The following TSC22D1 variants were observed in gnomAD, a reference collection of about 807,000 sequenced individuals.
The protein encoded by TSC22D1 is TSC22 domain family member 1.
In TSC22D1, 9 loss-of-function variants were observed where a neutral mutation model predicts 74.2. The observed-to-expected ratio is 0.12, with a 90% CI of 0.07 to 0.21. TSC22D1 has a LOEUF of 0.21. Among genes scored for constraint, TSC22D1 ranks in the 10% least tolerant of loss-of-function variants. The pLI, the probability that TSC22D1 is intolerant of heterozygous loss-of-function variation, is 1.00. For synonymous variants in TSC22D1, 586 were observed against 492.5 expected, an observed-to-expected ratio of 1.19 and a Z score of -2.51; for missense variants, 1,427 against 1,304.7, an observed-to-expected ratio of 1.09 and a Z score of -1.44.
chr13:44,494,549 C>A (rs1878878813), intron 1 of TSC22D1, among the ~76,000 whole-genome samples: 1 of 151,402 alleles, frequency 6.6e-6, no homozygotes, highest in African/African-American at 2.4e-5. Context: ...CACAGCGAGA[C>A]CCCATCTCAA....
chr13:44,432,911 C>T lies in TSC22D1; in HGVS notation c.*1715G>A, dbSNP rs1315475208. ...GGGCCAATCTGCCTCAGGATTCCTT[C>T]GTGGTTTTAATTTTGGCCTGTTTTA... On this transcript the variant is annotated 3_prime_UTR_variant, in exon 3 of 3. Coordinates refer to ENST00000458659, the MANE Select transcript of TSC22D1 (RefSeq NM_183422.4). 1.3e-5 allele frequency: 2 copies of T among 152,208 alleles called. No homozygotes were observed. Among genetic ancestry groups the T allele is most frequent in the Admixed American group, 6.5e-5 (1 of 15,286 alleles). 9.4% of individuals were successfully genotyped at this position (152,208 alleles called of 1,614,324 possible).
At position 44,573,408 on chromosome 13, in the gene TSC22D1, C is replaced by T. The variant is rs765522055; in HGVS notation, c.2667G>A (p.Gln889=). 2.5e-6 allele frequency: 4 copies of T among 1,614,224 alleles called. No homozygotes were observed. The highest frequency in any genetic ancestry group is 3.4e-6 in the Non-Finnish European group (4 of 1,180,044). The change falls in exon 1 of 3, where the codon CAG becomes CAA. Residue 889 remains glutamine (Q), a synonymous_variant. Coordinates refer to ENST00000458659, the MANE Select transcript of TSC22D1 (RefSeq NM_183422.4). ...AGAACTGGGTAGAACTTAGTGGTAT[C>T]TGTTGTGCCAAAGGCAAATTTGTAT... ...ATNTNLPLAQ[Q]IPLSSTQFSA... is the part of the protein sequence containing the mutation.
At chr13:44,557,655 C>G (rs1477872449) in intron 1 of TSC22D1, among the ~76,000 whole-genome samples, 2 of 152,112 alleles carry the variant, frequency 1.3e-5, no homozygotes, top group Non-Finnish European at 2.9e-5. Context: ...GTTGTAACCA[C>G]TCAAAATTAA....
intron 1 of TSC22D1, among the ~76,000 whole-genome samples, chr13:44,490,696 G>C (rs1485149089): frequency 6.6e-6 from 1 of 151,866 alleles, no homozygotes; most frequent in Non-Finnish European, 1.5e-5. Flanking sequence ...TCGGGAGTTC[G>C]AGACCAGCCT....
chr13:44,528,114 C>T (rs1262829080), intron 1 of TSC22D1, among the ~76,000 whole-genome samples: 1 of 151,986 alleles, frequency 6.6e-6, no homozygotes, highest in East Asian at 1.9e-4. Context: ...TTAAACACCC[C>T]TCAATCAGGA....
intron 1 of TSC22D1, among the ~76,000 whole-genome samples, chr13:44,546,188 G>C (rs1881814683): frequency 6.6e-6 from 1 of 152,114 alleles, no homozygotes; most frequent in Non-Finnish European, 1.5e-5. Context: ...TTCTGATCAA[G>C]CAAGAATCAT....
intron 1 of TSC22D1, among the ~76,000 whole-genome samples, chr13:44,440,973 T>C (rs185516015): frequency 3.3e-5 from 5 of 152,242 alleles, no homozygotes; most frequent in African/African-American, 1.2e-4. Context: ...AGAGTTTTTT[T>C]ATCCAGAATT....
intron 1 of TSC22D1, chr13:44,537,255 C>A (rs1208717360): frequency 2.1e-6 from 2 of 943,062 alleles, no homozygotes; most frequent in East Asian, 2.3e-4. Context: ...TATAAAAAAA[C>A]TCAAAGGTAA....
intron 1 of TSC22D1, among the ~76,000 whole-genome samples, chr13:44,456,100 T>G (rs978381978): frequency 2.0e-5 from 3 of 152,170 alleles, no homozygotes. Context: ...GGGTTGTTGG[T>G]CTCGCTGACT....
intron 1 of TSC22D1, among the ~76,000 whole-genome samples, chr13:44,442,318 T>C (rs898941810): frequency 3.3e-5 from 5 of 152,118 alleles, no homozygotes; most frequent in African/African-American, 1.2e-4. Context: ...ATATCACTCA[T>C]GAGGAGAAAA....
intron 1 of TSC22D1, among the ~76,000 whole-genome samples, chr13:44,546,447 G>T (rs527803676): frequency 1.1e-4 from 17 of 152,070 alleles, no homozygotes; most frequent in African/African-American, 3.9e-4. Context: ...TGCCAAAAAC[G>T]CACAGATTAA....
At chr13:44,438,981 TA>T (rs374058484) in intron 1 of TSC22D1, among the ~76,000 whole-genome samples, 108 of 152,288 alleles carry the variant, frequency 7.1e-4, no homozygotes, top group African/African-American at 2.3e-3. Flanking sequence ...TAAGGTCATA[TA>T]AAAAAATTTT....
chr13:44,527,074 T>C (rs2138055349), intron 1 of TSC22D1, among the ~76,000 whole-genome samples: 1 of 152,192 alleles, frequency 6.6e-6, no homozygotes, highest in Non-Finnish European at 1.5e-5. Context: ...ACTAGCAACC[T>C]ACAATTCTGC....
chr13:44,433,948 T>C lies in TSC22D1; in HGVS notation c.*678A>G, dbSNP rs1176307411. ...CTAAATAGTAGTTACAGTCCTCTAT[T>C]GTACAAAATAGTTACACTACATACA... On this transcript the variant is annotated 3_prime_UTR_variant, in exon 3 of 3. Coordinates refer to ENST00000458659, the MANE Select transcript of TSC22D1 (RefSeq NM_183422.4). The C allele has an allele frequency of 1.3e-6, 2 of 1,523,160 alleles. No individual in the cohort carries two copies. Among genetic ancestry groups the C allele is most frequent in the Non-Finnish European group, 1.8e-6 (2 of 1,141,164 alleles). 94.4% of individuals were successfully genotyped at this position (1,523,160 alleles called of 1,614,324 possible).
At chr13:44,465,637 CA>C (rs1286468032) in intron 1 of TSC22D1, among the ~76,000 whole-genome samples, 2 of 152,116 alleles carry the variant, frequency 1.3e-5, no homozygotes, top group African/African-American at 4.8e-5. Flanking sequence ...ATTTTCTAAA[CA>C]ACAACAAAGC....
intron 1 of TSC22D1, among the ~76,000 whole-genome samples, chr13:44,450,427 G>A (rs1178966025): frequency 1.3e-5 from 2 of 152,220 alleles, no homozygotes; most frequent in Non-Finnish European, 2.9e-5. Context: ...GGCAAATGAT[G>A]CAATGGGATT....
chr13:44,495,135 A>C (rs377635945), intron 1 of TSC22D1, among the ~76,000 whole-genome samples: 9 of 152,174 alleles, frequency 5.9e-5, no homozygotes, highest in Admixed American at 5.9e-4. Flanking sequence ...AAGCACTCTC[A>C]ACACATAATG....
chr13:44,573,030 C>A (rs1002098688), intron 1 of TSC22D1, 133 bp downstream of exon 1: 2 of 1,308,702 alleles, frequency 1.5e-6, no homozygotes, highest in African/African-American at 3.0e-5. Flanking sequence ...TATAAAACTT[C>A]CCATAAAAAT....
intron 1 of TSC22D1, among the ~76,000 whole-genome samples, chr13:44,523,812 G>T (rs1222341156): frequency 6.6e-6 from 1 of 152,138 alleles, no homozygotes; most frequent in Non-Finnish European, 1.5e-5. Flanking sequence ...AGAAGTTAGG[G>T]GGTGTGGAAA....
Sources: gnomAD v4.1 joint callset for allele counts (sites outside exome capture counted in the v4.1 genomes callset) on GRCh38, gnomAD v4.1.1 for gene constraint, MANE v1.5 for transcripts, NCBI Gene and HGNC (gene_info 2026-07-23, HGNC 2026-07-21) for gene names.